Variants in FGD4 observed in about 807,000 individuals in gnomAD.
The protein encoded by FGD4 is FYVE, RhoGEF and PH domain containing 4, also known as FYVE, RhoGEF and PH domain-containing protein 4.
FGD4 carries 42 observed loss-of-function variants against 102.0 expected under a neutral mutation model. The ratio of observed to expected loss-of-function variants is 0.41; its 90% confidence interval spans 0.32 to 0.53. The LOEUF (loss-of-function observed/expected upper bound fraction) is 0.53, where lower values mean the gene tolerates loss of function less well. FGD4 is among the 20% of genes least tolerant of loss of function. FGD4 has a pLI of 0.21. For missense variants in FGD4, 902 were observed against 1,078.2 expected, an observed-to-expected ratio of 0.84 and a Z score of 2.29; for synonymous variants, 380 against 375.7, an observed-to-expected ratio of 1.01 and a Z score of -0.13.
intron 1 of FGD4, among the ~76,000 whole-genome samples, chr12:32,484,611 C>A (rs1021232339): frequency 2.0e-5 from 3 of 152,126 alleles, no homozygotes; most frequent in Non-Finnish European, 2.9e-5. Flanking sequence ...GTCACTCATG[C>A]CTGTAATCCC....
intron 12 of FGD4, 78 bp from the exon 13 acceptor site, chr12:32,624,898 A>G: frequency 2.5e-6 from 3 of 1,208,598 alleles, no homozygotes; most frequent in South Asian, 1.2e-5. Context: ...CCTATCATAG[A>G]TATTTGTTTG....
At chr12:32,639,212 A>G (rs11052122) in intron 16 of FGD4, among the ~76,000 whole-genome samples, 37 of 152,110 alleles carry the variant, frequency 2.4e-4, no homozygotes, top group Non-Finnish European at 4.7e-4. Context: ...CACCCAGGCT[A>G]TAGTGCAATG....
At chr12:32,400,284 G>A (rs1368505688) in intron 1 of FGD4, among the ~76,000 whole-genome samples, 1 of 152,208 alleles carries the variant, frequency 6.6e-6, no homozygotes, top group Non-Finnish European at 1.5e-5. Flanking sequence ...AGCTACTGAA[G>A]CTTAAGCGGC....
chr12:32,494,902 T>G (rs1413047447), intron 1 of FGD4, among the ~76,000 whole-genome samples: 1 of 152,198 alleles, frequency 6.6e-6, no homozygotes, highest in East Asian at 1.9e-4. Context: ...CCCACCCTTT[T>G]GAGAAGCATG....
At chr12:32,598,035 C>G (rs947671679) in intron 4 of FGD4, among the ~76,000 whole-genome samples, 3 of 152,136 alleles carry the variant, frequency 2.0e-5, no homozygotes, top group African/African-American at 7.2e-5. Context: ...CTCAAGTGAT[C>G]CTCCCTCCTC....
chr12:32,601,040 A>G (rs1408797424), intron 5 of FGD4, among the ~76,000 whole-genome samples: 1 of 152,224 alleles, frequency 6.6e-6, no homozygotes, highest in Non-Finnish European at 1.5e-5. Flanking sequence ...ATTATTCGCC[A>G]TAATATTCCT....
intron 1 of FGD4, among the ~76,000 whole-genome samples, chr12:32,538,984 G>A (rs144149994): frequency 2.6e-4 from 40 of 152,254 alleles, no homozygotes; most frequent in African/African-American, 8.7e-4. Context: ...AACCCAGGAG[G>A]TGGAGGTTGC....
chr12:32,621,889 CT>C (rs11362941), intron 11 of FGD4, among the ~76,000 whole-genome samples: 61,511 of 144,234 alleles, frequency 0.43, 12,879 homozygotes, highest in Middle Eastern at 0.57. Flanking sequence ...ACAGGGAACA[CT>C]TTTTTTTTTT....
chr12:32,581,817 A>G (rs1946640122), intron 3 of FGD4, 143 bp from the exon 4 acceptor site: 1 of 862,542 alleles, frequency 1.2e-6, no homozygotes, highest in South Asian at 1.7e-5. Flanking sequence ...TACACTAAGA[A>G]TATTCAAATC....
chr12:32,592,190 C>T (rs1311620897), intron 4 of FGD4, among the ~76,000 whole-genome samples: 1 of 151,996 alleles, frequency 6.6e-6, no homozygotes, highest in Non-Finnish European at 1.5e-5. Context: ...TCAAGCGATT[C>T]TCCTGCTTCA....
intron 1 of FGD4, among the ~76,000 whole-genome samples, chr12:32,403,929 C>T (rs1207818920): frequency 1.3e-5 from 2 of 152,052 alleles, no homozygotes; most frequent in Non-Finnish European, 2.9e-5. Context: ...AGTTCCAGGC[C>T]TCAGGTTCAG....
rs142598191 is a variant in FGD4, at chr12:32,494,307, C to T, written c.167-69830C>T. On this transcript the variant is annotated intron_variant, in intron 1 of 16. Coordinates refer to ENST00000534526, the MANE Select transcript of FGD4 (RefSeq NM_001370298.3). ...TCTTGCATTTCTCCCTCCTTGGCCTCCCAGAGGTGCTGGGATTTCGCAAAG... is the reference window on the plus strand; with the variant it reads ...TCTTGCATTTCTCCCTCCTTGGCCTTCCAGAGGTGCTGGGATTTCGCAAAG... Among the ~76,000 whole-genome samples, 36 of 152,246 alleles carry T rather than the reference C, an allele frequency of 2.4e-4. No homozygotes were observed. The East Asian group carries it at 5.6e-3, about 24-fold the overall frequency.
rs138568230 is a variant in FGD4 at position 32,426,592 on chromosome 12, G to C, written c.166+26633G>C. ...TGCTGGCCTCATAAAATGAGTTAGG[G>C]GGGATTCCCTCTTTTTCTGTTGTTT... On this transcript the variant is annotated intron_variant, in intron 1 of 16. Coordinates refer to ENST00000534526, the MANE Select transcript of FGD4 (RefSeq NM_001370298.3). 1.5e-3 allele frequency among the ~76,000 whole-genome samples: 223 copies of C among 152,276 alleles called. 1 individual carries two copies. The highest frequency in any genetic ancestry group is 5.0e-3 in the African/African-American group (207 of 41,544).
intron 1 of FGD4, among the ~76,000 whole-genome samples, chr12:32,526,947 T>C (rs1196504390): frequency 6.6e-6 from 1 of 152,236 alleles, no homozygotes; most frequent in Non-Finnish European, 1.5e-5. Flanking sequence ...GAATATACTT[T>C]AAATTTACTT....
intron 1 of FGD4, among the ~76,000 whole-genome samples, chr12:32,405,649 A>G (rs1461566043): frequency 6.6e-6 from 1 of 152,098 alleles, no homozygotes; most frequent in Non-Finnish European, 1.5e-5. Context: ...GCTTGCTTGC[A>G]TTCCTTTTCT....
chr12:32,432,138 C>A (rs1488347706), intron 1 of FGD4, among the ~76,000 whole-genome samples: 3 of 148,758 alleles, frequency 2.0e-5, no homozygotes, highest in African/African-American at 7.4e-5. Flanking sequence ...TGGCTCACTG[C>A]AAGCTCTGCC....
chr12:32,434,274 T>A (rs2136442170), intron 1 of FGD4, among the ~76,000 whole-genome samples: 1 of 152,324 alleles, frequency 6.6e-6, no homozygotes, highest in African/African-American at 2.4e-5. Flanking sequence ...TTGTCGCTGC[T>A]TATAAAATGG....
At chr12:32,526,783 G>C (rs986144977) in intron 1 of FGD4, among the ~76,000 whole-genome samples, 1 of 152,090 alleles carries the variant, frequency 6.6e-6, no homozygotes, top group African/African-American at 2.4e-5. Context: ...GCAAGACCAC[G>C]AGCCCACTGG....
At chr12:32,620,520 C>CTTTTTTTTTTTTTT (rs1233071153) in intron 11 of FGD4, among the ~76,000 whole-genome samples, 131 of 91,110 alleles carry the variant, frequency 1.4e-3, no homozygotes, top group Non-Finnish European at 2.1e-3. Context: ...TTTTTTCTTT[C>CTTTTTTTTTTTTTT]TTTTTTTTTT....
Sources: allele counts gnomAD v4.1 joint callset (sites outside exome capture counted in the v4.1 genomes callset), GRCh38; gene constraint gnomAD v4.1.1; transcripts MANE v1.5; gene names NCBI Gene and HGNC (gene_info 2026-07-23, HGNC 2026-07-21).